Variants in QTGAL observed in about 807,000 individuals in gnomAD.
QTGAL encodes the protein BGnT-like protein 1.
the QTGAL span, among the ~76,000 whole-genome samples, chr17:83,045,352 TG>T: frequency 6.6e-6 from 1 of 152,222 alleles, no homozygotes; most frequent in African/African-American, 2.4e-5. Flanking sequence ...GTCTTTTAAA[TG>T]GTGTTGGAAA....
the QTGAL span, chr17:82,942,282 T>TGTCA: frequency 2.2e-6 from 2 of 913,496 alleles, no homozygotes; most frequent in Non-Finnish European, 3.3e-6. Context: ...CATGAGCACC[T>TGTCA]GTCAGCCACA....
chr17:83,008,851 C>T, the QTGAL span, among the ~76,000 whole-genome samples: 8 of 151,856 alleles, frequency 5.3e-5, no homozygotes, highest in East Asian at 5.8e-4. Flanking sequence ...GATCCCAGCC[C>T]GGATCCCTGC....
At chr17:82,963,801 T>C in the QTGAL span, among the ~76,000 whole-genome samples, 1 of 152,074 alleles carries the variant, frequency 6.6e-6, no homozygotes, top group Non-Finnish European at 1.5e-5. Flanking sequence ...CTTCCTAACA[T>C]TAGATGGTAG....
chr17:82,985,663 C>A, the QTGAL span, among the ~76,000 whole-genome samples: 63 of 152,226 alleles, frequency 4.1e-4, no homozygotes, highest in African/African-American at 1.3e-3. Flanking sequence ...GCTGCGGCGA[C>A]CCCACGCCTC....
chr17:82,953,724 G>A, the QTGAL span, among the ~76,000 whole-genome samples: 1 of 152,164 alleles, frequency 6.6e-6, no homozygotes, highest in Non-Finnish European at 1.5e-5. Context: ...CAATACCCCT[G>A]ATGAACACTG....
the QTGAL span, among the ~76,000 whole-genome samples, chr17:82,994,269 AAGAG>A: frequency 6.6e-6 from 1 of 151,770 alleles, no homozygotes; most frequent in Non-Finnish European, 1.5e-5. Flanking sequence ...CTAACAAAAA[AAGAG>A]AGAACACCCA....
the QTGAL span, among the ~76,000 whole-genome samples, chr17:83,013,393 C>A: frequency 4.6e-5 from 6 of 130,540 alleles, no homozygotes; most frequent in Admixed American, 4.5e-4. Context: ...TCCCAACCCC[C>A]CTCCCCCTCA....
At chr17:83,019,514 G>A in the QTGAL span, among the ~76,000 whole-genome samples, 8 of 152,206 alleles carry the variant, frequency 5.3e-5, no homozygotes, top group South Asian at 6.2e-4. Context: ...GGACGGAGAC[G>A]GGTGGCAGCC....
chr17:82,959,371 G>C, the QTGAL span, among the ~76,000 whole-genome samples: 1 of 139,976 alleles, frequency 7.1e-6, no homozygotes, highest in Non-Finnish European at 1.5e-5. Context: ...ACGTGAGTGC[G>C]TGTGTGCAGT....
At chr17:82,965,614 C>G in the QTGAL span, 3 of 1,547,074 alleles carry the variant, frequency 1.9e-6, no homozygotes, top group South Asian at 2.4e-5. Flanking sequence ...GGCCCCGAAC[C>G]TGGGGGAGGG....
At chr17:82,957,399 C>A in the QTGAL span, 1 of 1,613,166 alleles carries the variant, frequency 6.2e-7, no homozygotes, top group Non-Finnish European at 8.5e-7. Flanking sequence ...GTACAGCCGG[C>A]GCCCCTGCTT....
chr17:82,979,521 T>C, the QTGAL span: 1 of 152,218 alleles, frequency 6.6e-6, no homozygotes, highest in Admixed American at 6.5e-5. Flanking sequence ...CAGTAGCATG[T>C]ATAATTGCCT....
chr17:83,012,564 G>T, the QTGAL span, among the ~76,000 whole-genome samples: 1 of 152,142 alleles, frequency 6.6e-6, no homozygotes, highest in African/African-American at 2.4e-5. Flanking sequence ...CTCACGGGCC[G>T]GCACAGGGTC....
chr17:82,958,586 C>A, the QTGAL span, among the ~76,000 whole-genome samples: 1 of 152,202 alleles, frequency 6.6e-6, no homozygotes, highest in African/African-American at 2.4e-5. Flanking sequence ...TGTAGCAGAA[C>A]CCCCACAGGC....
the QTGAL span, among the ~76,000 whole-genome samples, chr17:83,030,494 C>T: frequency 5.9e-5 from 9 of 152,204 alleles, no homozygotes; most frequent in Admixed American, 2.0e-4. Context: ...GAGCACCTGC[C>T]GGCTTGTGAG....
At chr17:83,020,537 G>T in the QTGAL span, among the ~76,000 whole-genome samples, 2 of 152,360 alleles carry the variant, frequency 1.3e-5, no homozygotes, top group Admixed American at 1.3e-4. Context: ...ACCGAGGTCT[G>T]GAGCGGAGAA....
the QTGAL span, chr17:83,007,298 A>G: frequency 4.1e-6 from 4 of 985,050 alleles, no homozygotes; most frequent in African/African-American, 1.7e-5. Flanking sequence ...AGTTTTCCCC[A>G]CACCCAATCT....
the QTGAL span, among the ~76,000 whole-genome samples, chr17:83,033,661 C>T: frequency 0.12 from 18,656 of 151,540 alleles, 1,148 homozygotes; most frequent in Non-Finnish European, 0.13. Flanking sequence ...TTAGTAGAGA[C>T]GGGGTTTCAC....
At chr17:82,945,532 G>A in the QTGAL span, 7 of 152,216 alleles carry the variant, frequency 4.6e-5, no homozygotes, top group Non-Finnish European at 8.8e-5. Context: ...GAAAATAGCT[G>A]TCAAGTTGCT....
Sources: allele counts gnomAD v4.1 joint callset (sites outside exome capture counted in the v4.1 genomes callset), GRCh38; gene constraint gnomAD v4.1.1; transcripts MANE v1.5; gene names NCBI Gene and HGNC (gene_info 2026-07-23, HGNC 2026-07-21).